The following ITPR3 variants were observed in gnomAD, a reference collection of about 807,000 sequenced individuals.
ITPR3 encodes inositol 1,4,5-trisphosphate-gated calcium channel ITPR3.
ITPR3 carries 173 observed loss-of-function variants against 293.2 expected under a neutral mutation model. The observed-to-expected ratio is 0.59, with a 90% CI of 0.52 to 0.67. ITPR3 has a LOEUF of 0.67. ITPR3 is among the 30% of genes least tolerant of loss of function. ITPR3 has a pLI of 0.00. For synonymous variants in ITPR3, 1,295 were observed against 1,444.4 expected (o/e 0.90, Z 2.35); for missense variants, 2,796 against 3,592.1 (o/e 0.78, Z 5.66).
At position 33,692,487 on chromosome 6, in the gene ITPR3, C is replaced by T. The variant is rs894778688; in HGVS notation, c.7459-241C>T. ...AGACTCCTTCTGCAGGCCTCCACCC[C>T]GGCGTGTCCTGAGTCCACGCTTTCC... On this transcript the variant is annotated intron_variant, in intron 54 of 57. Coordinates refer to ENST00000605930, the MANE Select transcript of ITPR3 (RefSeq NM_002224.4). The surrounding 1 kb of genome is among the most constrained non-coding windows in gnomAD (Gnocchi z 4.2). 1.3e-5 allele frequency among the ~76,000 whole-genome samples: 2 copies of T among 152,016 alleles called. No homozygotes were observed. Among genetic ancestry groups the T allele is most frequent in the African/African-American group, 2.4e-5 (1 of 41,376 alleles).
chr6:33,655,917 T>G lies in ITPR3; in HGVS notation c.282+30T>G. ...GTGTGTGTGTGCAGGCGTGCATCTG[T>G]GCACATGTACCAGGAACCTGGGTAC... On this transcript the variant is annotated intron_variant, in intron 3 of 57. Transcript: ENST00000605930. This position sits in a 1 kb window ranked among gnomAD's most constrained non-coding sequence, Gnocchi z 4.9. 1 of 1,612,826 alleles carries G rather than the reference T, an allele frequency of 6.2e-7. No individual in the cohort carries two copies. Among genetic ancestry groups the G allele is most frequent in the Non-Finnish European group, 8.5e-7 (1 of 1,179,224 alleles).
intron 20 of ITPR3, 77 bp from the exon 21 acceptor site, chr6:33,671,088 C>A: frequency 6.3e-7 from 1 of 1,587,142 alleles, no homozygotes; most frequent in East Asian, 2.2e-5. Context: ...TTTCCCCAGT[C>A]CTGGCCTGCC....
In ITPR3 at chr6:33,669,141, T is replaced by TG; in HGVS notation, c.2175dup (p.Leu726AlafsTer47). 1 of 1,613,876 alleles carries TG rather than the reference T, an allele frequency of 6.2e-7. No homozygotes were observed. The highest frequency in any genetic ancestry group is 8.5e-7 in the Non-Finnish European group (1 of 1,179,938). On this transcript the variant is annotated frameshift_variant, in exon 18 of 58. Coordinates refer to ENST00000605930, the MANE Select transcript of ITPR3 (RefSeq NM_002224.4). LOFTEE classifies it high-confidence loss of function. ...GCCGGCAACGCCCACGACGAGAATG[T>TG]GCTCAGCTACTACAGGTGCCCCGCC...
At chr6:33,695,113 AC>A (rs1441090115) in intron 57 of ITPR3, 28 bp downstream of exon 57, 1 of 1,609,576 alleles carries the variant, frequency 6.2e-7, no homozygotes, top group African/African-American at 1.3e-5. Flanking sequence ...TCCCAGGCCC[AC>A]CCTGGGTTCT....
chr6:33,658,300 T>C lies in ITPR3; in HGVS notation c.369+282T>C, dbSNP rs901630016. On this transcript the variant is annotated intron_variant, in intron 4 of 57. Transcript: ENST00000605930. This position sits in a 1 kb window ranked among gnomAD's most constrained non-coding sequence, Gnocchi z 6.1. Reference sequence around the variant, plus strand: ...ATTCAAATCTTGGCTCTGCCACTCCTAATGGTGTAACTTGGGCAAGTTACC... The same window carrying C: ...ATTCAAATCTTGGCTCTGCCACTCCCAATGGTGTAACTTGGGCAAGTTACC... Among the ~76,000 whole-genome samples the C allele has an allele frequency of 1.3e-5, 2 of 152,204 alleles. No individual in the cohort carries two copies. The highest frequency in any genetic ancestry group is 4.8e-5 in the African/African-American group (2 of 41,456).
At position 33,695,047 on chromosome 6, in the gene ITPR3, T is replaced by C; in HGVS notation, c.7909T>C (p.Ser2637Pro). The change falls in exon 57 of 58, where the codon TCC (serine) becomes CCC (proline). Residue 2637 changes from serine to proline, a missense_variant. Physicochemically the swap from Ser to Pro is moderately conservative, Grantham distance 74. This residue lies in a region of ITPR3 where 568 missense variants were observed against 796.1 expected (regional missense o/e 0.71). Coordinates refer to ENST00000605930, the MANE Select transcript of ITPR3 (RefSeq NM_002224.4). ...GCTCAACTCCACCATGAAGCTGGTG[T>C]CCCACCTCACTGCCCAGCTCAACGA... ...DKLNSTMKLV[S>P]HLTAQLNELK... 6.2e-7 allele frequency: 1 copy of C among 1,614,004 alleles called. No individual in the cohort carries two copies.
At chr6:33,669,264 C>A in intron 18 of ITPR3, 108 bp downstream of exon 18, 2 of 1,120,420 alleles carry the variant, frequency 1.8e-6, no homozygotes, top group Non-Finnish European at 2.5e-6. Flanking sequence ...TCAGGTGGGG[C>A]TCCTGCCTCC....
At position 33,672,081 on chromosome 6, in the gene ITPR3, G is replaced by A. The variant is rs1416235641; in HGVS notation, c.2781G>A (p.Met927Ile). The change falls in exon 22 of 58, where the codon ATG becomes ATA. Residue 927 changes from methionine (M) to isoleucine (I), a missense_variant. Physicochemically the swap from Met to Ile is conservative, Grantham distance 10. Coordinates refer to ENST00000605930, the MANE Select transcript of ITPR3 (RefSeq NM_002224.4). The surrounding 1 kb of genome is among the most constrained non-coding windows in gnomAD (Gnocchi z 5.0). ...IQGVGHMMST[M>I]VLSRKQSVFS... ...GCGTGGGGCACATGATGTCCACCAT[G>A]GTGCTGAGCCGCAAGCAGTCCGTCT... is the stretch of plus-strand genomic sequence containing the variant. 2 of 1,613,622 alleles carry A rather than the reference G, an allele frequency of 1.2e-6. No individual in the cohort carries two copies. The highest frequency in any genetic ancestry group is 1.7e-6 in the Non-Finnish European group (2 of 1,179,824).
chr6:33,645,985 G>A (rs930909157), intron 2 of ITPR3, among the ~76,000 whole-genome samples: 1 of 151,888 alleles, frequency 6.6e-6, no homozygotes, highest in Non-Finnish European at 1.5e-5. Context: ...TTACAGGCAC[G>A]TGCCACCACA....
intron 2 of ITPR3, among the ~76,000 whole-genome samples, chr6:33,645,016 T>G (rs13216994): frequency 6.6e-6 from 1 of 151,388 alleles, no homozygotes. Context: ...CCTGGACAAA[T>G]CCTTTTGCAC....
rs1436953949 is a variant in ITPR3, at chr6:33,671,353, CT to C, written c.2728+48del. On this transcript the variant is annotated intron_variant, in intron 21 of 57. Transcript: ENST00000605930. ...GGCCACCCTGGTGGTCCTCAGCCTCCTCCTAGCACAGGAAGTTCCCTCAGAT... is the reference window on the plus strand; with the variant it reads ...GGCCACCCTGGTGGTCCTCAGCCTCCCCTAGCACAGGAAGTTCCCTCAGAT... 2.1e-6 allele frequency: 3 copies of C among 1,420,076 alleles called. 1 individual carries two copies. The South Asian group carries it at 3.6e-5, about 17-fold the overall frequency. 88.0% of individuals were successfully genotyped at this position (1,420,076 alleles called of 1,614,324 possible). A position where few individuals can be genotyped will look rare whatever the true frequency, so the allele number is the denominator to read the frequency against.
At position 33,672,066 on chromosome 6, in the gene ITPR3, C is replaced by T. The variant is rs373897357; in HGVS notation, c.2766C>T (p.His922=). 5 of 1,612,708 alleles carry T rather than the reference C, an allele frequency of 3.1e-6. No homozygotes were observed. The highest frequency in any genetic ancestry group is 4.2e-6 in the Non-Finnish European group (5 of 1,179,264). The part of the protein sequence containing the change: ...NVRRSIQGVG[H]MMSTMVLSRK... ...GGCGGTCCATCCAGGGCGTGGGGCA[C>T]ATGATGTCCACCATGGTGCTGAGCC... Residue 922 remains histidine, a synonymous_variant, in exon 22 of 58, where the codon CAC becomes CAT. Coordinates refer to ENST00000605930, the MANE Select transcript of ITPR3 (RefSeq NM_002224.4). This position sits in a 1 kb window ranked among gnomAD's most constrained non-coding sequence, Gnocchi z 5.0.
Position 33,682,485 on chromosome 6 carries a change from G to A in ITPR3, c.4477-39G>A, listed in dbSNP as rs981420453. The A allele has an allele frequency of 1.3e-6, 2 of 1,486,982 alleles. No homozygotes were observed. The highest frequency in any genetic ancestry group is 1.8e-6 in the Non-Finnish European group (2 of 1,117,648). The allele number at this position is 1,486,982 out of a possible 1,614,324, so 92.1% of individuals were successfully genotyped here. ...TGGACCTGGGGTTGCCCAGGGTGGG[G>A]GCCTGGGCTGCAGCAGCGGGCTCTG... is the stretch of plus-strand genomic sequence containing the variant. On this transcript the variant is annotated intron_variant, in intron 33 of 57. Coordinates refer to ENST00000605930, the MANE Select transcript of ITPR3 (RefSeq NM_002224.4). This position sits in a 1 kb window ranked among gnomAD's most constrained non-coding sequence, Gnocchi z 5.4.
chr6:33,647,932 C>G (rs890071282), intron 2 of ITPR3, among the ~76,000 whole-genome samples: 1 of 152,262 alleles, frequency 6.6e-6, no homozygotes, highest in Non-Finnish European at 1.5e-5. Context: ...CACTTGCCCC[C>G]CGCTGCCGTT....
rs150420581 is a variant in ITPR3 at position 33,623,321 on chromosome 6, G to GTTTT, written c.89+1631_89+1634dup. On this transcript the variant is annotated intron_variant, in intron 1 of 57. Transcript: ENST00000605930. ...CATGATGATTTTCAAGTGCCTGTGA[G>GTTTT]TTTTGTTTTTTTTTTTTTTTTTTAA... Among the ~76,000 whole-genome samples, 705 of 118,240 alleles carry GTTTT rather than the reference G, an allele frequency of 6.0e-3. 52 individuals carry two copies. The highest frequency in any genetic ancestry group is 0.012 in the African/African-American group (363 of 31,194). 77.6% of individuals were successfully genotyped at this position (118,240 alleles called of 152,430 possible).
rs1561875558 is a variant in ITPR3, at chr6:33,680,301, C to T, written c.4225-28C>T. 5 of 1,601,182 alleles carry T rather than the reference C, an allele frequency of 3.1e-6. 1 individual carries two copies. Among genetic ancestry groups the T allele is most frequent in the Non-Finnish European group, 1.7e-6 (2 of 1,173,678 alleles). ...GAGCCTGGCCAGGCGGCCCTGCTTG[C>T]GCCCCTGACCTCCCGCCCACTGCCC... On this transcript the variant is annotated intron_variant, in intron 31 of 57. Transcript: ENST00000605930.
intron 2 of ITPR3, among the ~76,000 whole-genome samples, chr6:33,653,611 C>T (rs1001824507): frequency 6.6e-6 from 1 of 152,200 alleles, no homozygotes; most frequent in Non-Finnish European, 1.5e-5. Flanking sequence ...AAAATTTGTG[C>T]CTCTGTGTAT....
intron 24 of ITPR3, among the ~76,000 whole-genome samples, chr6:33,674,680 A>G (rs560201952): frequency 6.6e-6 from 1 of 152,368 alleles, no homozygotes; most frequent in African/African-American, 2.4e-5. Context: ...GCCTGGGTCT[A>G]GCAGGGCTTA....
intron 7 of ITPR3, 83 bp downstream of exon 7, chr6:33,659,632 C>T: frequency 3.5e-6 from 4 of 1,146,086 alleles, no homozygotes; most frequent in Non-Finnish European, 5.2e-6. Flanking sequence ...CTCCACCCGC[C>T]AGGCCTCAGG....
Sources: allele counts gnomAD v4.1 joint callset (sites outside exome capture counted in the v4.1 genomes callset), GRCh38; gene constraint gnomAD v4.1.1; regional missense constraint gnomAD v4.1.1; non-coding constraint Gnocchi (gnomAD v3.1); transcripts MANE v1.5; gene names NCBI Gene and HGNC (gene_info 2026-07-23, HGNC 2026-07-21).